SSH2: variants seen among roughly 807,000 people sequenced by gnomAD.
SSH2 encodes protein phosphatase Slingshot homolog 2.
Under a neutral mutation model 135.2 loss-of-function variants are expected in SSH2, and 37 were observed. The ratio of observed to expected loss-of-function variants is 0.27; its 90% confidence interval spans 0.21 to 0.36. The LOEUF (loss-of-function observed/expected upper bound fraction) is 0.36. SSH2 is among the 10% of genes least tolerant of loss of function. SSH2 has a pLI of 1.00. For synonymous variants in SSH2, 628 were observed against 646.2 expected, an observed-to-expected ratio of 0.97 and a Z score of 0.43; for missense variants, 1,408 against 1,765.3, an observed-to-expected ratio of 0.80 and a Z score of 3.63.
At position 29,636,588 on chromosome 17, in the gene SSH2, G is replaced by A. The variant is rs2035925696; in HGVS notation, c.1642C>T (p.Leu548=). 1 of 1,614,030 alleles carries A rather than the reference G, an allele frequency of 6.2e-7. No homozygotes were observed. Among genetic ancestry groups the A allele is most frequent in the Non-Finnish European group, 8.5e-7 (1 of 1,180,038 alleles). Residue 548 remains leucine (L), a synonymous_variant, in exon 15 of 16, where the codon CTG becomes TTG. Coordinates refer to ENST00000540801, the MANE Select transcript of SSH2 (RefSeq NM_001282129.2). ...MVPQDANQKG[L]CTKERMICLE... Reference sequence around the variant, plus strand: ...CAGATCATTCTTTCTTTGGTACACAGGCCTTTCTGATTTGCATCTTGTGGG... The same window carrying A: ...CAGATCATTCTTTCTTTGGTACACAAGCCTTTCTGATTTGCATCTTGTGGG...
intron 11 of SSH2, among the ~76,000 whole-genome samples, chr17:29,662,733 G>A (rs1467484456): frequency 6.6e-6 from 1 of 151,994 alleles, no homozygotes; most frequent in Non-Finnish European, 1.5e-5. Flanking sequence ...CATCACCCAG[G>A]TATTAAGCCT....
chr17:29,884,341 CA>C (rs2066194433), intron 1 of SSH2, among the ~76,000 whole-genome samples: 1 of 152,200 alleles, frequency 6.6e-6, no homozygotes, highest in African/African-American at 2.4e-5. Context: ...TGGTCTTCCA[CA>C]AATTGCTTTC....
At position 29,786,234 on chromosome 17, in the gene SSH2, C is replaced by G. The variant is rs1306679598; in HGVS notation, c.188+7660G>C. Among the ~76,000 whole-genome samples the G allele has an allele frequency of 6.6e-5, 10 of 152,328 alleles. No individual in the cohort carries two copies. In the East Asian group the frequency reaches 1.9e-3, roughly 29 times the overall value. ...CAAATTTCATCCATTTATCTTTTGA[C>G]CAAATAGTGAGACAAACAGGTTGGA... On this transcript the variant is annotated intron_variant, in intron 3 of 15. Coordinates refer to ENST00000540801, the MANE Select transcript of SSH2 (RefSeq NM_001282129.2).
intron 3 of SSH2, among the ~76,000 whole-genome samples, chr17:29,768,793 A>C (rs2041505581): frequency 6.6e-6 from 1 of 152,200 alleles, no homozygotes; most frequent in South Asian, 2.1e-4. Flanking sequence ...GTAGTAAGAC[A>C]GAGATAGAAA....
At chr17:29,742,743 T>G (rs1018993138) in intron 3 of SSH2, among the ~76,000 whole-genome samples, 35 of 151,814 alleles carry the variant, frequency 2.3e-4, no homozygotes, top group Non-Finnish European at 4.7e-4. Context: ...CAAGCAATTC[T>G]CCTGCCTCAG....
At chr17:29,722,786 G>T (rs2617865) in intron 3 of SSH2, among the ~76,000 whole-genome samples, 91,331 of 152,086 alleles carry the variant, frequency 0.6, 29,919 homozygotes, top group African/African-American at 0.87. Flanking sequence ...CACACAGATG[G>T]TTTGCGTAAG....
At chr17:29,812,384 C>T (rs143692360) in intron 2 of SSH2, among the ~76,000 whole-genome samples, 2 of 151,948 alleles carry the variant, frequency 1.3e-5, no homozygotes, top group Non-Finnish European at 2.9e-5. Flanking sequence ...CCCAGACTCA[C>T]GTGATTCTCT....
intron 1 of SSH2, among the ~76,000 whole-genome samples, chr17:29,867,797 C>T (rs753853613): frequency 3.9e-5 from 6 of 152,154 alleles, no homozygotes; most frequent in Non-Finnish European, 5.9e-5. Context: ...AAGTAAAGAG[C>T]TCTATTCCTT....
At chr17:29,761,213 C>T (rs1344275116) in intron 3 of SSH2, 2 of 1,288,532 alleles carry the variant, frequency 1.6e-6, no homozygotes, top group African/African-American at 3.1e-5. Context: ...CATGTCGGGG[C>T]CACCGAGGCT....
chr17:29,685,494 G>A (rs912934594), intron 5 of SSH2, among the ~76,000 whole-genome samples: 4 of 152,100 alleles, frequency 2.6e-5, no homozygotes. Flanking sequence ...GGTTATTAAA[G>A]CTGAGTAATG....
intron 5 of SSH2, among the ~76,000 whole-genome samples, chr17:29,695,207 C>G (rs1221768632): frequency 6.6e-6 from 1 of 152,182 alleles, no homozygotes; most frequent in Non-Finnish European, 1.5e-5. Context: ...CATAAATCTT[C>G]CTAATCTAGG....
chr17:29,844,632 T>C (rs913718765), intron 2 of SSH2, among the ~76,000 whole-genome samples: 1 of 152,242 alleles, frequency 6.6e-6, no homozygotes, highest in African/African-American at 2.4e-5. Flanking sequence ...ATCTTCTTTC[T>C]CTGTGACTTC....
rs564233652 is a variant in SSH2, at chr17:29,913,274, C to T, written c.63+16664G>A. On this transcript the variant is annotated intron_variant, in intron 1 of 15. Transcript: ENST00000540801. ...TGGAGGTTGCAGTGAGCCAAGATCACGGCACTGCACTCCAGCCTGGGCGAC... is the reference window on the plus strand; with the variant it reads ...TGGAGGTTGCAGTGAGCCAAGATCATGGCACTGCACTCCAGCCTGGGCGAC... Among the ~76,000 whole-genome samples the T allele has an allele frequency of 2.6e-4, 33 of 127,022 alleles. No homozygotes were observed. In the East Asian group the frequency reaches 3.4e-3, roughly 13 times the overall value. The allele number at this position is 127,022 out of a possible 152,430, so 83.3% of individuals were successfully genotyped here.
intron 2 of SSH2, among the ~76,000 whole-genome samples, chr17:29,809,072 G>C (rs1184505033): frequency 6.6e-6 from 1 of 152,186 alleles, no homozygotes. Context: ...TGGCCAACAT[G>C]GCAAAACTTC....
chr17:29,785,381 A>T (rs1219087247), intron 3 of SSH2, among the ~76,000 whole-genome samples: 1 of 151,870 alleles, frequency 6.6e-6, no homozygotes, highest in Non-Finnish European at 1.5e-5. Flanking sequence ...AGATTGCAAG[A>T]TATATTTCAG....
intron 1 of SSH2, among the ~76,000 whole-genome samples, chr17:29,914,330 G>A (rs2066841349): frequency 6.6e-6 from 1 of 151,996 alleles, no homozygotes; most frequent in African/African-American, 2.4e-5. Context: ...GGAGTACAAG[G>A]CAGGAGAATT....
chr17:29,813,741 C>T (rs2042493486), intron 2 of SSH2, among the ~76,000 whole-genome samples: 3 of 151,556 alleles, frequency 2.0e-5, no homozygotes, highest in Admixed American at 2.0e-4. Flanking sequence ...TCGCTTGAAC[C>T]CGGGAGGTGG....
Position 29,842,332 on chromosome 17 carries a change from T to C in SSH2, c.144+6517A>G, listed in dbSNP as rs533048355. 4.6e-5 allele frequency among the ~76,000 whole-genome samples: 7 copies of C among 151,580 alleles called. No individual in the cohort carries two copies. The East Asian group carries it at 1.4e-3, about 30-fold the overall frequency. On this transcript the variant is annotated intron_variant, in intron 2 of 15. Coordinates refer to ENST00000540801, the MANE Select transcript of SSH2 (RefSeq NM_001282129.2). ...AGCTGAGTGTCATGGCAGGCACCTA[T>C]AATCCCAGATACTTGGGAGGCTGAG...
At chr17:29,719,380 C>T (rs547696407) in intron 3 of SSH2, among the ~76,000 whole-genome samples, 1 of 152,116 alleles carries the variant, frequency 6.6e-6, no homozygotes, top group East Asian at 1.9e-4. Flanking sequence ...GGTGTGGTGG[C>T]TCACGCCTGT....
Sources: allele counts gnomAD v4.1 joint callset (sites outside exome capture counted in the v4.1 genomes callset), GRCh38; gene constraint gnomAD v4.1.1; transcripts MANE v1.5; gene names NCBI Gene and HGNC (gene_info 2026-07-23, HGNC 2026-07-21).